TRIM51G: variants seen among roughly 807,000 people sequenced by gnomAD.
The protein encoded by TRIM51G is tripartite motif-containing 51G.
chr11:48,982,012 C>A, the TRIM51G span, among the ~76,000 whole-genome samples: 1 of 152,080 alleles, frequency 6.6e-6, no homozygotes, highest in Non-Finnish European at 1.5e-5. Flanking sequence ...AGTGGTCTAG[C>A]ATAAAACATG....
At chr11:48,975,859 G>T in the TRIM51G span, 1 of 994,374 alleles carries the variant, frequency 1.0e-6, no homozygotes, top group Non-Finnish European at 1.6e-6. Context: ...GAAAAAATCA[G>T]CCCCCCATTG....
chr11:48,978,057 A>G, the TRIM51G span: 1 of 473,924 alleles, frequency 2.1e-6, no homozygotes, highest in Non-Finnish European at 4.4e-6. Flanking sequence ...TATCTGAATC[A>G]CTTATACCTT....
At chr11:48,982,764 A>G in the TRIM51G span, among the ~76,000 whole-genome samples, 1 of 147,994 alleles carries the variant, frequency 6.8e-6, no homozygotes, top group Non-Finnish European at 1.5e-5. Flanking sequence ...GAGGACAGAT[A>G]TATGATCCGA....
the TRIM51G span, chr11:48,978,939 T>C: frequency 2.5e-5 from 39 of 1,590,064 alleles, no homozygotes; most frequent in Admixed American, 5.0e-5. Flanking sequence ...TCTTAAAAGC[T>C]CCCTGGAATG....
the TRIM51G span, among the ~76,000 whole-genome samples, chr11:48,977,403 C>A: frequency 3.3e-5 from 5 of 152,240 alleles, no homozygotes; most frequent in East Asian, 9.6e-4. Context: ...GATCTTTCTT[C>A]GTATTGCTCC....
the TRIM51G span, among the ~76,000 whole-genome samples, chr11:48,982,947 G>GTATA: frequency 1.2e-5 from 1 of 86,152 alleles, no homozygotes; most frequent in Non-Finnish European, 2.2e-5. Flanking sequence ...AGTATTTTTG[G>GTATA]TATATATACA....
At chr11:48,975,512 A>G in the TRIM51G span, 1 of 1,391,946 alleles carries the variant, frequency 7.2e-7, no homozygotes, top group Admixed American at 1.7e-5. Context: ...AAGTGACTAC[A>G]GCAAATGATA....
the TRIM51G span, chr11:48,975,701 C>T: frequency 1.3e-6 from 2 of 1,533,278 alleles, no homozygotes; most frequent in Middle Eastern, 1.7e-4. Context: ...CAGTGAGTGT[C>T]CTCCTTAACA....
At chr11:48,982,947 GTATATATACATATATATATATATATA>G in the TRIM51G span, among the ~76,000 whole-genome samples, 1 of 86,154 alleles carries the variant, frequency 1.2e-5, no homozygotes, top group Non-Finnish European at 2.2e-5. Flanking sequence ...AGTATTTTTG[GTATATATACATATATATATATATATA>G]TATATATATA....
chr11:48,977,053 T>A, the TRIM51G span: 6 of 777,598 alleles, frequency 7.7e-6, no homozygotes, highest in African/African-American at 3.4e-5. Context: ...AGTAATACAT[T>A]GTGGGAATTT....
chr11:48,979,208 G>T, the TRIM51G span: 3 of 572,868 alleles, frequency 5.2e-6, no homozygotes, highest in East Asian at 7.5e-5. Context: ...CCTCGATCTT[G>T]TCAATTCTCA....
chr11:48,983,802 C>T, the TRIM51G span, among the ~76,000 whole-genome samples: 5 of 152,130 alleles, frequency 3.3e-5, no homozygotes, highest in South Asian at 8.3e-4. Flanking sequence ...TAAGTATTCC[C>T]CAAGATCAGG....
chr11:48,978,623 T>A, the TRIM51G span, among the ~76,000 whole-genome samples: 1 of 152,204 alleles, frequency 6.6e-6, no homozygotes, highest in African/African-American at 2.4e-5. Flanking sequence ...TGAGAAATAT[T>A]TCTTGGGGAT....
chr11:48,982,961 A>G, the TRIM51G span, among the ~76,000 whole-genome samples: 15,776 of 36,736 alleles, frequency 0.43, 1,856 homozygotes, highest in Middle Eastern at 0.5. Context: ...ATATACATAT[A>G]TATATATATA....
chr11:48,977,416 A>G, the TRIM51G span, among the ~76,000 whole-genome samples: 1 of 152,162 alleles, frequency 6.6e-6, no homozygotes, highest in Non-Finnish European at 1.5e-5. Flanking sequence ...ATTGCTCCAA[A>G]TTAGTAAGGA....
At chr11:48,981,265 T>C in the TRIM51G span, 1 of 1,602,722 alleles carries the variant, frequency 6.2e-7, no homozygotes, top group African/African-American at 1.3e-5. Flanking sequence ...TAGAAATAGA[T>C]CTTCAGAGGC....
chr11:48,981,444 T>A, the TRIM51G span: 1 of 1,607,578 alleles, frequency 6.2e-7, no homozygotes, highest in Admixed American at 1.7e-5. Context: ...AGCTAAGGAA[T>A]TGCCGGAGGC....
At chr11:48,977,703 T>G in the TRIM51G span, among the ~76,000 whole-genome samples, 2 of 152,116 alleles carry the variant, frequency 1.3e-5, no homozygotes, top group Non-Finnish European at 2.9e-5. Context: ...AAACTAGAAA[T>G]CATCAACACT....
the TRIM51G span, chr11:48,978,763 T>C: frequency 4.0e-6 from 2 of 504,342 alleles, no homozygotes; most frequent in South Asian, 3.8e-5. Flanking sequence ...AGAATCGTGT[T>C]TTTGGAAACA....
Sources: gnomAD v4.1 joint callset for allele counts (sites outside exome capture counted in the v4.1 genomes callset) on GRCh38, gnomAD v4.1.1 for gene constraint, MANE v1.5 for transcripts, NCBI Gene and HGNC (gene_info 2026-07-23, HGNC 2026-07-21) for gene names.